The following SGSM2 variants were observed in gnomAD, a reference collection of about 807,000 sequenced individuals.
The protein encoded by SGSM2 is RUN and TBC1 domain containing 1.
In SGSM2, 89 loss-of-function variants were observed where a neutral mutation model predicts 126.6. The observed-to-expected ratio is 0.70, with a 90% CI of 0.59 to 0.84. The LOEUF (loss-of-function observed/expected upper bound fraction) is 0.84. Ranked by LOEUF, SGSM2 falls within the 40% of genes least tolerant of loss-of-function variation. SGSM2 has a pLI of 0.00. For missense variants in SGSM2, 1,404 were observed against 1,416.6 expected, an observed-to-expected ratio of 0.99 and a Z score of 0.14; for synonymous variants, 614 against 574.3, an observed-to-expected ratio of 1.07 and a Z score of -0.99.
chr17:2,341,846 GA>G, intron 1 of SGSM2, among the ~76,000 whole-genome samples: 1 of 152,254 alleles, frequency 6.6e-6, no homozygotes, highest in East Asian at 1.9e-4. Context: ...TCCTTGCCTA[GA>G]AACATAAATC....
chr17:2,376,497 A>AC (rs1414042790), intron 19 of SGSM2: 20 of 657,232 alleles, frequency 3.0e-5, no homozygotes, highest in Admixed American at 1.7e-4. Flanking sequence ...TCATCCCCGC[A>AC]CCCCCGCCCC....
intron 1 of SGSM2, among the ~76,000 whole-genome samples, chr17:2,341,000 G>A (rs2064345830): frequency 6.6e-6 from 1 of 152,216 alleles, no homozygotes; most frequent in Non-Finnish European, 1.5e-5. Flanking sequence ...AGGGGTATCT[G>A]CAGATCCTTC....
In SGSM2 at chr17:2,363,710, G is replaced by A; in HGVS notation, c.807+111G>A. ...GAGGAGCTTGACCAGAGACGGGGGG[G>A]AGAATGGCCCCAGCCTCCCAACTCC... On this transcript the variant is annotated intron_variant, in intron 7 of 23. Coordinates refer to ENST00000268989, the MANE Select transcript of SGSM2 (RefSeq NM_014853.3). This position sits in a 1 kb window ranked among gnomAD's most constrained non-coding sequence, Gnocchi z 4.2. The A allele has an allele frequency of 6.9e-7, 1 of 1,439,232 alleles. No individual in the cohort carries two copies. The highest frequency in any genetic ancestry group is 9.4e-7 in the Non-Finnish European group (1 of 1,066,058). The allele number at this position is 1,439,232 out of a possible 1,614,324, so 89.2% of individuals were successfully genotyped here.
chr17:2,361,057 A>G (rs1042092906), intron 2 of SGSM2, among the ~76,000 whole-genome samples: 83 of 152,200 alleles, frequency 5.5e-4, no homozygotes, highest in African/African-American at 1.9e-3. Context: ...CTGTCTGTGG[A>G]AAGTCCAGAC....
intron 21 of SGSM2, chr17:2,377,329 C>T (rs946639718): frequency 2.5e-6 from 1 of 396,276 alleles, no homozygotes; most frequent in Non-Finnish European, 4.6e-6. Context: ...ACTAAAAATA[C>T]AAAAATTAGC....
chr17:2,375,951 G>A (rs1159239634), intron 18 of SGSM2, 76 bp downstream of exon 18: 4 of 1,513,400 alleles, frequency 2.6e-6, no homozygotes, highest in Non-Finnish European at 3.5e-6. Flanking sequence ...GGAAGCGCTG[G>A]TGGGGTGGAA....
intron 1 of SGSM2, among the ~76,000 whole-genome samples, chr17:2,338,774 A>AATATATATATAT (rs148031213): frequency 0.16 from 21,486 of 133,406 alleles, 2,581 homozygotes; most frequent in Admixed American, 0.27. Context: ...CCGTCTCCCT[A>AATATATATATAT]ATATATATAT....
intron 1 of SGSM2, among the ~76,000 whole-genome samples, chr17:2,340,118 C>CTTTT (rs201303211): frequency 6.9e-6 from 1 of 145,566 alleles, no homozygotes; most frequent in Non-Finnish European, 1.5e-5. Flanking sequence ...ATGGGAAATA[C>CTTTT]TTTTTTTTTT....
At chr17:2,342,467 C>T (rs1001796294) in intron 1 of SGSM2, among the ~76,000 whole-genome samples, 4 of 151,888 alleles carry the variant, frequency 2.6e-5, no homozygotes, top group Non-Finnish European at 4.4e-5. Flanking sequence ...ACAAAACTGT[C>T]GTGTTGGAAT....
In SGSM2 at chr17:2,365,346, G is replaced by C; in HGVS notation, c.1288+5G>C. Reference sequence around the variant, plus strand: ...CCGGCCACAGGCACGAGCACAGTGAGTGTCCCGAGCTTCATCCCGGGGGAG... The same window carrying C: ...CCGGCCACAGGCACGAGCACAGTGACTGTCCCGAGCTTCATCCCGGGGGAG... On this transcript the variant is annotated splice_donor_5th_base_variant and intron_variant, in intron 11 of 23. Transcript: ENST00000268989. The C allele has an allele frequency of 6.5e-7, 1 of 1,543,722 alleles. No individual in the cohort carries two copies. Among genetic ancestry groups the C allele is most frequent in the Non-Finnish European group, 8.8e-7 (1 of 1,140,216 alleles).
chr17:2,355,004 A>G (rs2065038586), intron 2 of SGSM2, among the ~76,000 whole-genome samples: 1 of 116,232 alleles, frequency 8.6e-6, no homozygotes, highest in African/African-American at 3.9e-5. Context: ...AAGGGACCCC[A>G]TATCTTAGAA....
In SGSM2 at chr17:2,363,706, G is replaced by A. The variant is rs369775574; in HGVS notation, c.807+107G>A. 1.4e-5 allele frequency: 21 copies of A among 1,451,724 alleles called. No homozygotes were observed. Among genetic ancestry groups the A allele is most frequent in the Middle Eastern group, 2.3e-4 (1 of 4,336 alleles). The allele number at this position is 1,451,724 out of a possible 1,614,324, so 89.9% of individuals were successfully genotyped here. A position where few individuals can be genotyped will look rare whatever the true frequency, so the allele number is the denominator to read the frequency against. On this transcript the variant is annotated intron_variant, in intron 7 of 23. Coordinates refer to ENST00000268989, the MANE Select transcript of SGSM2 (RefSeq NM_014853.3). The surrounding 1 kb of genome is among the most constrained non-coding windows in gnomAD (Gnocchi z 4.2). ...TCCTGAGGAGCTTGACCAGAGACGG[G>A]GGGGAGAATGGCCCCAGCCTCCCAA... is the stretch of plus-strand genomic sequence containing the variant.
chr17:2,337,684 A>G lies in SGSM2; in HGVS notation c.-5A>G, dbSNP rs1195390808. 7 of 1,496,726 alleles carry G rather than the reference A, an allele frequency of 4.7e-6. No individual in the cohort carries two copies. Among genetic ancestry groups the G allele is most frequent in the Admixed American group, 4.0e-5 (2 of 49,590 alleles). The allele number at this position is 1,496,726 out of a possible 1,614,324, so 92.7% of individuals were successfully genotyped here. A position where few individuals can be genotyped will look rare whatever the true frequency, so the allele number is the denominator to read the frequency against. Reference sequence around the variant, plus strand: ...GGACCGCTCGGCGCCGCCTCCTGCCACACCATGGGCAGCGCAGAGGACGCA... The same window carrying G: ...GGACCGCTCGGCGCCGCCTCCTGCCGCACCATGGGCAGCGCAGAGGACGCA... On this transcript the variant is annotated 5_prime_UTR_variant, in exon 1 of 24. Coordinates refer to ENST00000268989, the MANE Select transcript of SGSM2 (RefSeq NM_014853.3). This position sits in a 1 kb window ranked among gnomAD's most constrained non-coding sequence, Gnocchi z 5.1.
chr17:2,359,813 A>G (rs1166081706), intron 2 of SGSM2, among the ~76,000 whole-genome samples: 1 of 152,146 alleles, frequency 6.6e-6, no homozygotes, highest in Non-Finnish European at 1.5e-5. Context: ...GACATGTGCC[A>G]CCTGCTGCCC....
intron 3 of SGSM2, 150 bp from the exon 4 acceptor site, chr17:2,361,959 G>T (rs2065328714): frequency 1.6e-6 from 2 of 1,288,778 alleles, no homozygotes; most frequent in East Asian, 4.7e-5. Context: ...GTTCCTTGTG[G>T]GCACAAGGCT....
In SGSM2 at chr17:2,363,849, C is replaced by T; in HGVS notation, c.808-210C>T. On this transcript the variant is annotated intron_variant, in intron 7 of 23. Coordinates refer to ENST00000268989, the MANE Select transcript of SGSM2 (RefSeq NM_014853.3). This position sits in a 1 kb window ranked among gnomAD's most constrained non-coding sequence, Gnocchi z 4.2. ...GCTGGCCTGGAATGGACCTGGCATC[C>T]AGGAGGCTGGCAGGAGAGAGTCAGT... 1 of 783,336 alleles carries T rather than the reference C, an allele frequency of 1.3e-6. No individual in the cohort carries two copies. Among genetic ancestry groups the T allele is most frequent in the East Asian group, 2.7e-5 (1 of 37,184 alleles). 48.5% of individuals were successfully genotyped at this position (783,336 alleles called of 1,614,324 possible). A position where few individuals can be genotyped will look rare whatever the true frequency, so the allele number is the denominator to read the frequency against.
chr17:2,361,112 C>T (rs2065290626), intron 2 of SGSM2, among the ~76,000 whole-genome samples: 1 of 152,194 alleles, frequency 6.6e-6, no homozygotes, highest in Non-Finnish European at 1.5e-5. Context: ...GGAGGGAAGC[C>T]CTCCTAGCAT....
intron 17 of SGSM2, chr17:2,373,793 C>G: frequency 2.3e-6 from 1 of 426,834 alleles, no homozygotes; most frequent in East Asian, 3.9e-5. Context: ...AAGCCCTCCT[C>G]CTTGTAGAAA....
chr17:2,376,633 G>C, intron 19 of SGSM2, 100 bp from the exon 20 acceptor site: 1 of 1,307,640 alleles, frequency 7.6e-7, no homozygotes, highest in Non-Finnish European at 1.1e-6. Flanking sequence ...TGGAAAGGCT[G>C]ACTTCTGGGC....
Sources: allele counts gnomAD v4.1 joint callset (sites outside exome capture counted in the v4.1 genomes callset), GRCh38; gene constraint gnomAD v4.1.1; non-coding constraint Gnocchi (gnomAD v3.1); transcripts MANE v1.5; gene names NCBI Gene and HGNC (gene_info 2026-07-23, HGNC 2026-07-21).